Variants in SORCS2 observed in about 807,000 individuals in gnomAD.
SORCS2 encodes VPS10 domain-containing receptor SorCS2.
Under a neutral mutation model 141.6 loss-of-function variants are expected in SORCS2, and 100 were observed. The ratio of observed to expected loss-of-function variants is 0.71; its 90% CI spans 0.60 to 0.83. The LOEUF (loss-of-function observed/expected upper bound fraction) is 0.83, where lower values mean the gene tolerates loss of function less well. Ranked by LOEUF, SORCS2 falls within the 40% of genes least tolerant of loss-of-function variation. The probability of loss-of-function intolerance (pLI) is 0.00; values close to 1 mark genes in which losing one functional copy is unlikely to be tolerated. For synonymous variants in SORCS2, 789 were observed against 676.9 expected (o/e 1.17, Z -2.57); for missense variants, 1,646 against 1,560.2 (o/e 1.05, Z -0.93).
intron 1 of SORCS2, among the ~76,000 whole-genome samples, chr4:7,202,098 C>A (rs558075338): frequency 6.6e-6 from 1 of 152,182 alleles, no homozygotes; most frequent in Non-Finnish European, 1.5e-5. Context: ...CCTCTCTCCC[C>A]GCTCCCAGCA....
chr4:7,434,328 G>C, intron 2 of SORCS2: 1 of 1,610,982 alleles, frequency 6.2e-7, no homozygotes, highest in Non-Finnish European at 8.5e-7. Flanking sequence ...CACAGTCTTG[G>C]CACAGAGCTC....
At chr4:7,199,476 T>A (rs1218586471) in intron 1 of SORCS2, among the ~76,000 whole-genome samples, 1 of 151,600 alleles carries the variant, frequency 6.6e-6, no homozygotes, top group Non-Finnish European at 1.5e-5. Flanking sequence ...GTGAGCCTGG[T>A]GGAGGGGCTG....
intron 3 of SORCS2, among the ~76,000 whole-genome samples, chr4:7,582,828 A>G (rs1279444050): frequency 1.3e-5 from 2 of 152,206 alleles, no homozygotes; most frequent in South Asian, 4.2e-4. Context: ...CAGCCGTAGC[A>G]GCAATTTTAA....
intron 1 of SORCS2, among the ~76,000 whole-genome samples, chr4:7,369,682 C>T (rs1722126160): frequency 6.6e-6 from 1 of 152,164 alleles, no homozygotes; most frequent in African/African-American, 2.4e-5. Flanking sequence ...TCTCCCAGTG[C>T]ATTAGTCCTG....
At chr4:7,469,927 T>C (rs761244460) in intron 2 of SORCS2, among the ~76,000 whole-genome samples, 29 of 152,102 alleles carry the variant, frequency 1.9e-4, no homozygotes, top group Non-Finnish European at 3.4e-4. Context: ...ACAATTGTTA[T>C]CAAACAATGG....
intron 3 of SORCS2, among the ~76,000 whole-genome samples, chr4:7,560,465 G>A (rs1714454578): frequency 6.6e-6 from 1 of 152,150 alleles, no homozygotes. Flanking sequence ...GCAGGTGACA[G>A]TGGCCATCTC....
chr4:7,655,406 C>T (rs922923261), intron 5 of SORCS2, among the ~76,000 whole-genome samples: 3 of 152,194 alleles, frequency 2.0e-5, no homozygotes, highest in Non-Finnish European at 2.9e-5. Context: ...ACTCTCTTGC[C>T]CCCTCAGCCT....
chr4:7,337,809 T>C (rs9997896), intron 1 of SORCS2, among the ~76,000 whole-genome samples: 76,382 of 152,076 alleles, frequency 0.5, 19,454 homozygotes, highest in East Asian at 0.57. Flanking sequence ...CCCTGTGCCT[T>C]CCACCTGCAC....
chr4:7,669,854 T>A lies in SORCS2; in HGVS notation c.1161+2641T>A, dbSNP rs1027474213. Reference sequence around the variant, plus strand: ...CCTGCTTTCACAGGACACTATAGCATGAGACTGTTTCTTGAATGATGCGTG... The same window carrying A: ...CCTGCTTTCACAGGACACTATAGCAAGAGACTGTTTCTTGAATGATGCGTG... On this transcript the variant is annotated intron_variant, in intron 8 of 26. Transcript: ENST00000507866. 2.6e-5 allele frequency among the ~76,000 whole-genome samples: 4 copies of A among 152,340 alleles called. No individual in the cohort carries two copies. The South Asian group carries it at 6.2e-4, about 24-fold the overall frequency.
chr4:7,280,168 C>G (rs987796523), intron 1 of SORCS2, among the ~76,000 whole-genome samples: 4 of 152,108 alleles, frequency 2.6e-5, no homozygotes, highest in Admixed American at 6.5e-5. Flanking sequence ...GGCAAAGCAG[C>G]CTACCTGGTC....
intron 2 of SORCS2, among the ~76,000 whole-genome samples, chr4:7,425,536 A>C (rs28600173): frequency 6.6e-6 from 1 of 152,006 alleles, no homozygotes; most frequent in Non-Finnish European, 1.5e-5. Flanking sequence ...CCTGGATTAG[A>C]AGCCCGACAC....
At chr4:7,276,974 C>T (rs975143592) in intron 1 of SORCS2, among the ~76,000 whole-genome samples, 5 of 152,314 alleles carry the variant, frequency 3.3e-5, no homozygotes, top group African/African-American at 9.6e-5. Context: ...GCCGTTCTGT[C>T]CACACTAGAG....
intron 2 of SORCS2, among the ~76,000 whole-genome samples, chr4:7,520,844 C>T (rs1013539980): frequency 4.6e-5 from 7 of 152,326 alleles, no homozygotes; most frequent in East Asian, 1.9e-4. Context: ...TGCACTGGGT[C>T]GGGCTGCAGT....
chr4:7,671,433 G>A (rs1722792297), intron 8 of SORCS2, among the ~76,000 whole-genome samples: 1 of 151,944 alleles, frequency 6.6e-6, no homozygotes, highest in African/African-American at 2.4e-5. Flanking sequence ...GTCTTACAGA[G>A]GCTCAAAGAA....
At chr4:7,283,575 A>G (rs1006929705) in intron 1 of SORCS2, among the ~76,000 whole-genome samples, 7 of 152,206 alleles carry the variant, frequency 4.6e-5, no homozygotes, top group Admixed American at 1.3e-4. Context: ...CTCTGGGGTC[A>G]TTTGATTTCG....
intron 1 of SORCS2, among the ~76,000 whole-genome samples, chr4:7,377,318 G>A (rs1217903298): frequency 6.6e-6 from 1 of 150,962 alleles, no homozygotes; most frequent in Non-Finnish European, 1.5e-5. Context: ...ATGTTGACAA[G>A]CAGATGTGTT....
chr4:7,316,283 C>A (rs1577390602), intron 1 of SORCS2, among the ~76,000 whole-genome samples: 2 of 152,228 alleles, frequency 1.3e-5, no homozygotes, highest in Non-Finnish European at 2.9e-5. Context: ...TCCTTCCATT[C>A]ATGTATCCAT....
intron 1 of SORCS2, among the ~76,000 whole-genome samples, chr4:7,236,763 T>C (rs1712308654): frequency 6.6e-6 from 1 of 152,124 alleles, no homozygotes; most frequent in Non-Finnish European, 1.5e-5. Context: ...TGTATTTTAT[T>C]AGAGACAGGG....
At chr4:7,244,999 G>C (rs950075459) in intron 1 of SORCS2, among the ~76,000 whole-genome samples, 1 of 152,196 alleles carries the variant, frequency 6.6e-6, no homozygotes, top group East Asian at 1.9e-4. Flanking sequence ...AAGCCACCAT[G>C]GGAACCCAAG....
Sources: allele counts gnomAD v4.1 joint callset (sites outside exome capture counted in the v4.1 genomes callset), GRCh38; gene constraint gnomAD v4.1.1; transcripts MANE v1.5; gene names NCBI Gene and HGNC (gene_info 2026-07-23, HGNC 2026-07-21).